Variants in ANK1 observed in about 807,000 individuals in gnomAD.
The protein encoded by ANK1 is ankyrin 1, also known as ankyrin-1.
In ANK1, 51 loss-of-function variants were observed where a neutral mutation model predicts 210.4. The ratio of observed to expected loss-of-function variants is 0.24; its 90% CI spans 0.19 to 0.31. The LOEUF (loss-of-function observed/expected upper bound fraction) is 0.31, where lower values mean the gene tolerates loss of function less well. Ranked by LOEUF, ANK1 falls within the 10% of genes least tolerant of loss-of-function variation. The probability of loss-of-function intolerance (pLI) is 1.00; values close to 1 mark genes in which losing one functional copy is unlikely to be tolerated. For synonymous variants in ANK1, 967 were observed against 1,025.9 expected (o/e 0.94, Z 1.10); for missense variants, 2,051 against 2,504.4 (o/e 0.82, Z 3.86).
intron 1 of ANK1, among the ~76,000 whole-genome samples, chr8:41,878,103 C>T (rs1390418458): frequency 6.6e-6 from 1 of 152,230 alleles, no homozygotes; most frequent in Non-Finnish European, 1.5e-5. Flanking sequence ...CAGACACCCA[C>T]TCTTCTCAAA....
chr8:41,807,375 C>T (rs574321115), intron 1 of ANK1, among the ~76,000 whole-genome samples: 5 of 152,186 alleles, frequency 3.3e-5, no homozygotes, highest in Non-Finnish European at 5.9e-5. Flanking sequence ...AAGACTCTAA[C>T]GTGGCTTTGA....
At chr8:41,863,832 C>T (rs1337463613) in intron 1 of ANK1, among the ~76,000 whole-genome samples, 1 of 152,186 alleles carries the variant, frequency 6.6e-6, no homozygotes, top group Non-Finnish European at 1.5e-5. Context: ...TGGTTTCTTT[C>T]AGGCAGTTGC....
intron 1 of ANK1, among the ~76,000 whole-genome samples, chr8:41,804,957 G>A (rs932181352): frequency 5.3e-5 from 8 of 151,962 alleles, no homozygotes; most frequent in African/African-American, 1.4e-4. Flanking sequence ...CACTCATTCC[G>A]GTAAACTTAG....
chr8:41,836,099 C>T (rs1378132096), intron 1 of ANK1, among the ~76,000 whole-genome samples: 1 of 152,236 alleles, frequency 6.6e-6, no homozygotes, highest in Non-Finnish European at 1.5e-5. Context: ...TCAGGGACGA[C>T]ACAGCTGTCA....
rs764840187 is a variant in ANK1 at position 41,668,220 on chromosome 8, C to T, written c.5394+47G>A. On this transcript the variant is annotated intron_variant, in intron 39 of 42. Coordinates refer to ENST00000289734, the MANE Select transcript of ANK1 (RefSeq NM_000037.4). ...GCAGCCCTGGAGTCCCGGCCCCTTC[C>T]GATGCTGGGAAGGAACAGCAGCACG... 62 of 1,613,030 alleles carry T rather than the reference C, an allele frequency of 3.8e-5. No homozygotes were observed. The East Asian group carries it at 5.8e-4, about 15-fold the overall frequency.
intron 42 of ANK1, chr8:41,660,409 C>T (rs908198922): frequency 8.5e-6 from 4 of 469,750 alleles, no homozygotes; most frequent in Non-Finnish European, 1.8e-5. Context: ...GGCCACCATG[C>T]CCCCTCACCT....
At chr8:41,693,835 C>G (rs1217631325) in intron 29 of ANK1, 63 bp downstream of exon 29, 5 of 1,532,004 alleles carry the variant, frequency 3.3e-6, no homozygotes, top group East Asian at 2.4e-5. Context: ...GAGTCACCCC[C>G]CTACTGTGTT....
chr8:41,826,565 C>G (rs140542150), intron 1 of ANK1, among the ~76,000 whole-genome samples: 23 of 152,198 alleles, frequency 1.5e-4, no homozygotes, highest in Non-Finnish European at 3.1e-4. Flanking sequence ...CGGCCCTTCT[C>G]CAAATAAGGA....
chr8:41,672,203 G>T, intron 38 of ANK1, 151 bp downstream of exon 38: 1 of 845,138 alleles, frequency 1.2e-6, no homozygotes, highest in Non-Finnish European at 1.8e-6. Context: ...TCTTATATAT[G>T]GCATCTGCCA....
chr8:41,784,865 C>T (rs1020173571), intron 1 of ANK1, among the ~76,000 whole-genome samples: 1 of 152,216 alleles, frequency 6.6e-6, no homozygotes, highest in African/African-American at 2.4e-5. Context: ...AACAAATCAG[C>T]GTTTCTTGAA....
chr8:41,663,561 C>A, intron 40 of ANK1, 98 bp downstream of exon 40: 1 of 1,228,190 alleles, frequency 8.1e-7, no homozygotes, highest in Non-Finnish European at 1.2e-6. Flanking sequence ...TGCTCACCTG[C>A]TGTGAGGGCA....
intron 1 of ANK1, among the ~76,000 whole-genome samples, chr8:41,783,649 C>T (rs1428177385): frequency 2.0e-5 from 3 of 152,152 alleles, no homozygotes; most frequent in African/African-American, 2.4e-5. Flanking sequence ...AAAATGTGTT[C>T]CCAGGAACAC....
chr8:41,703,420 GTGTATA>G (rs1490243870), intron 20 of ANK1, among the ~76,000 whole-genome samples: 1,627 of 50,846 alleles, frequency 0.032, 28 homozygotes, highest in African/African-American at 0.048. Flanking sequence ...GTGTGTGTGT[GTGTATA>G]TATATATATA....
chr8:41,765,210 C>G (rs1483963831), intron 1 of ANK1, among the ~76,000 whole-genome samples: 1 of 137,790 alleles, frequency 7.3e-6, no homozygotes, highest in Non-Finnish European at 1.6e-5. Context: ...CTCTTTTTTT[C>G]TCTTTCTTTC....
intron 33 of ANK1, 89 bp downstream of exon 33, chr8:41,690,138 C>A: frequency 2.5e-6 from 4 of 1,587,860 alleles, no homozygotes; most frequent in Non-Finnish European, 3.4e-6. Flanking sequence ...GGAAGAAGCC[C>A]CTTGGAAGTG....
At chr8:41,825,253 A>G (rs1256128850) in intron 1 of ANK1, among the ~76,000 whole-genome samples, 4 of 152,246 alleles carry the variant, frequency 2.6e-5, no homozygotes, top group Admixed American at 1.3e-4. Context: ...TTCTAGCTAA[A>G]AAGATTTTGA....
At chr8:41,689,330 T>C (rs1172907199) in intron 33 of ANK1, among the ~76,000 whole-genome samples, 1 of 150,794 alleles carries the variant, frequency 6.6e-6, no homozygotes, top group East Asian at 2.0e-4. Context: ...GATCTCACTA[T>C]GTTGCCCAGG....
chr8:41,656,437 TCTC>T (rs1463946151), intron 42 of ANK1, among the ~76,000 whole-genome samples: 4 of 152,182 alleles, frequency 2.6e-5, no homozygotes, highest in Non-Finnish European at 5.9e-5. Context: ...TGCATCCTCC[TCTC>T]CTCCTCCTGT....
chr8:41,727,995 C>T lies in ANK1; in HGVS notation c.240G>A (p.Thr80=), dbSNP rs529168269. 6.8e-6 allele frequency: 11 copies of T among 1,614,092 alleles called. No individual in the cohort carries two copies. The highest frequency in any genetic ancestry group is 5.0e-5 in the Admixed American group (3 of 60,022). ...CGGCTAGAGCAGCGATGTGCAGGGC[C>T]GTGTTCCCCTTCTGAAACACATGGG... The part of the protein sequence containing the change: ...ILETTTKKGN[T]ALHIAALAGQ... Residue 80 remains threonine, a synonymous_variant, in exon 4 of 43, where the codon ACG becomes ACA. Coordinates refer to ENST00000289734, the MANE Select transcript of ANK1 (RefSeq NM_000037.4).
Sources: gnomAD v4.1 joint callset for allele counts (sites outside exome capture counted in the v4.1 genomes callset) on GRCh38, gnomAD v4.1.1 for gene constraint, MANE v1.5 for transcripts, NCBI Gene and HGNC (gene_info 2026-07-23, HGNC 2026-07-21) for gene names.